Variants in COL21A1 observed in about 807,000 individuals in gnomAD.
COL21A1 encodes the protein collagen type XXI alpha 1 chain.
In COL21A1, 149 loss-of-function variants were observed where a neutral mutation model predicts 137.9. The ratio of observed to expected loss-of-function variants is 1.08; its 90% CI spans 0.95 to 1.24. The LOEUF (loss-of-function observed/expected upper bound fraction) is 1.24. Ranked by LOEUF, COL21A1 falls within the 50% of genes most tolerant of loss-of-function variation. The pLI, the probability that COL21A1 is intolerant of heterozygous loss-of-function variation, is 0.00. For synonymous variants in COL21A1, 456 were observed against 391.5 expected (o/e 1.16, Z -1.95); for missense variants, 1,167 against 1,158.4 (o/e 1.01, Z -0.11).
intron 22 of COL21A1, among the ~76,000 whole-genome samples, chr6:56,067,965 C>T (rs1006280930): frequency 2.0e-5 from 3 of 151,602 alleles, no homozygotes; most frequent in Non-Finnish European, 4.4e-5. Flanking sequence ...TCTATTAATA[C>T]TTCACCGTAC....
At chr6:56,226,610 G>A (rs1243261462) in intron 1 of COL21A1, among the ~76,000 whole-genome samples, 1 of 151,972 alleles carries the variant, frequency 6.6e-6, no homozygotes, top group African/African-American at 2.4e-5. Flanking sequence ...TAACTGGCAA[G>A]CCTAATTTGA....
intron 17 of COL21A1, among the ~76,000 whole-genome samples, chr6:56,080,874 G>T (rs1402673353): frequency 2.0e-5 from 3 of 151,716 alleles, no homozygotes; most frequent in African/African-American, 4.8e-5. Context: ...TAACTAAAAA[G>T]ATTCCAATCT....
At chr6:56,277,167 T>C (rs918955295) in intron 1 of COL21A1, among the ~76,000 whole-genome samples, 6 of 152,094 alleles carry the variant, frequency 3.9e-5, no homozygotes, top group African/African-American at 1.4e-4. Flanking sequence ...TTTTATACTT[T>C]AAGTTCTAGG....
intron 1 of COL21A1, among the ~76,000 whole-genome samples, chr6:56,321,026 GA>G (rs1764852555): frequency 6.6e-6 from 1 of 152,102 alleles, no homozygotes; most frequent in South Asian, 2.1e-4. Flanking sequence ...TTTCACTGAT[GA>G]AAAAAACAAA....
rs373385667 is a variant in COL21A1 at position 56,347,517 on chromosome 6, TA to T, written c.-39+46453del. On this transcript the variant is annotated intron_variant, in intron 1 of 28. Transcript: ENST00000370819. ...ACATTAGAATCACCTAGGAAGCATT[TA>T]AAAAAAAAAAAAAAAAAAAGCAAAG... 4.9e-3 allele frequency among the ~76,000 whole-genome samples: 619 copies of T among 127,154 alleles called. 4 individuals are homozygous for T. Among genetic ancestry groups the T allele is most frequent in the African/African-American group, 0.014 (477 of 33,878 alleles). 83.4% of individuals were successfully genotyped at this position (127,154 alleles called of 152,430 possible). A position where few individuals can be genotyped will look rare whatever the true frequency, so the allele number is the denominator to read the frequency against.
intron 10 of COL21A1, among the ~76,000 whole-genome samples, chr6:56,144,787 C>T (rs1437242042): frequency 1.3e-5 from 2 of 152,196 alleles, no homozygotes; most frequent in Non-Finnish European, 2.9e-5. Context: ...GGAGGCAACA[C>T]AGTTAAGTGG....
chr6:56,281,198 G>A (rs1763779330), intron 1 of COL21A1, among the ~76,000 whole-genome samples: 1 of 152,010 alleles, frequency 6.6e-6, no homozygotes. Flanking sequence ...CAGGACCACA[G>A]CCTAGCATGT....
At chr6:56,381,151 G>T (rs1311850583) in intron 1 of COL21A1, among the ~76,000 whole-genome samples, 1 of 151,926 alleles carries the variant, frequency 6.6e-6, no homozygotes, top group Non-Finnish European at 1.5e-5. Flanking sequence ...TTAACTCTTT[G>T]TTTATACCAT....
intron 1 of COL21A1, among the ~76,000 whole-genome samples, chr6:56,260,679 G>A (rs1763242442): frequency 5.2e-5 from 7 of 135,808 alleles, no homozygotes; most frequent in African/African-American, 2.0e-4. Flanking sequence ...AAGGAAGGAA[G>A]GAAGGAAGGA....
chr6:56,268,245 T>C (rs1460392482), intron 1 of COL21A1, among the ~76,000 whole-genome samples: 3 of 152,084 alleles, frequency 2.0e-5, no homozygotes, highest in African/African-American at 7.2e-5. Context: ...CCAGAAAGAA[T>C]GTAAGCTATC....
At chr6:56,163,931 A>G (rs1460332359) in intron 9 of COL21A1, among the ~76,000 whole-genome samples, 1 of 152,214 alleles carries the variant, frequency 6.6e-6, no homozygotes, top group African/African-American at 2.4e-5. Context: ...CCAAAAGTAC[A>G]TGATTAAGTG....
chr6:56,092,884 G>A (rs1443244794), intron 17 of COL21A1, among the ~76,000 whole-genome samples: 1 of 152,124 alleles, frequency 6.6e-6, no homozygotes, highest in African/African-American at 2.4e-5. Context: ...TTTCAGGGCT[G>A]TGTGTCCCCC....
chr6:56,345,986 T>C (rs1765589478), intron 1 of COL21A1, among the ~76,000 whole-genome samples: 2 of 152,358 alleles, frequency 1.3e-5, no homozygotes, highest in Non-Finnish European at 2.9e-5. Flanking sequence ...CTTTATACTC[T>C]GACAATTTAG....
intron 1 of COL21A1, among the ~76,000 whole-genome samples, chr6:56,261,174 T>C (rs770758287): frequency 6.6e-6 from 1 of 151,908 alleles, no homozygotes; most frequent in Non-Finnish European, 1.5e-5. Flanking sequence ...TCTCCCTCAC[T>C]CTGCTTTGGT....
At chr6:56,133,241 G>T (rs1407461527) in intron 12 of COL21A1, among the ~76,000 whole-genome samples, 1 of 152,192 alleles carries the variant, frequency 6.6e-6, no homozygotes, top group Non-Finnish European at 1.5e-5. Context: ...CCAGGTTCAG[G>T]TGATCTCAGA....
chr6:56,217,172 G>T (rs527954578), intron 1 of COL21A1, among the ~76,000 whole-genome samples: 10 of 152,130 alleles, frequency 6.6e-5, no homozygotes, highest in African/African-American at 2.4e-4. Context: ...TATATTGCTA[G>T]CTTTTTAATT....
intron 12 of COL21A1, among the ~76,000 whole-genome samples, chr6:56,138,331 A>T (rs1774154190): frequency 6.7e-6 from 1 of 149,620 alleles, no homozygotes; most frequent in Admixed American, 6.7e-5. Flanking sequence ...TATATATTTT[A>T]TATATACATT....
intron 24 of COL21A1, among the ~76,000 whole-genome samples, chr6:56,064,264 C>T (rs1053382091): frequency 1.2e-4 from 19 of 152,164 alleles, no homozygotes; most frequent in African/African-American, 4.6e-4. Flanking sequence ...CATTGTGTGA[C>T]TGGCTGTCTC....
chr6:56,130,779 G>A (rs930302645), intron 12 of COL21A1, among the ~76,000 whole-genome samples: 1 of 151,908 alleles, frequency 6.6e-6, no homozygotes, highest in African/African-American at 2.4e-5. Flanking sequence ...GAAAGAAGGA[G>A]AGAGCGAGCA....
Sources: gnomAD v4.1 joint callset for allele counts (sites outside exome capture counted in the v4.1 genomes callset) on GRCh38, gnomAD v4.1.1 for gene constraint, MANE v1.5 for transcripts, NCBI Gene and HGNC (gene_info 2026-07-23, HGNC 2026-07-21) for gene names.